The following INSC variants were observed in gnomAD, a reference collection of about 807,000 sequenced individuals.
INSC encodes protein inscuteable homolog.
A neutral mutation model predicts 58.6 loss-of-function variants in INSC; 67 were observed. That is an observed-to-expected ratio of 1.14 (90% CI 0.94 to 1.40). The LOEUF is 1.40. Ranked by LOEUF, INSC falls within the 40% of genes most tolerant of loss-of-function variation. INSC has a pLI of 0.00. For synonymous variants in INSC, 262 were observed against 276.1 expected (o/e 0.95, Z 0.51); for missense variants, 714 against 692.0 (o/e 1.03, Z -0.36).
chr11:15,257,436 A>T, the INSC span, among the ~76,000 whole-genome samples: 1 of 152,218 alleles, frequency 6.6e-6, no homozygotes, highest in Non-Finnish European at 1.5e-5. Context: ...AAAGTTGAAT[A>T]TATAAAAGAT....
At chr11:15,132,354 C>T (rs921227412) in intron 1 of INSC, among the ~76,000 whole-genome samples, 1 of 152,154 alleles carries the variant, frequency 6.6e-6, no homozygotes, top group Non-Finnish European at 1.5e-5. Flanking sequence ...GGGGCAATCA[C>T]AGCTCACTGC....
intron 7 of INSC, among the ~76,000 whole-genome samples, chr11:15,218,575 T>A (rs948196977): frequency 6.6e-6 from 1 of 152,154 alleles, no homozygotes; most frequent in African/African-American, 2.4e-5. Context: ...TATATATATA[T>A]GTACATATAT....
At position 15,175,989 on chromosome 11, in the gene INSC, G is replaced by A. The variant is rs768043859; in HGVS notation, c.305G>A (p.Arg102Gln). The A allele has an allele frequency of 8.1e-6, 13 of 1,610,606 alleles. No individual in the cohort carries two copies. The highest frequency in any genetic ancestry group is 1.1e-5 in the South Asian group (1 of 90,528). Residue 102 changes from arginine (R) to glutamine (Q), a missense_variant, in exon 3 of 13, where the codon CGG becomes CAG. Transcript: ENST00000379556. ...AAGCTGGCCCAGGACCGCTGGGCAC[G>A]GGTGCACAGCATGAGCGTGCGTCTG... is the stretch of plus-strand genomic sequence containing the variant. ...GQKLAQDRWA[R>Q]VHSMSVRLTC...
intron 1 of INSC, among the ~76,000 whole-genome samples, chr11:15,125,644 CT>C (rs1278107846): frequency 2.0e-5 from 3 of 152,222 alleles, no homozygotes; most frequent in Non-Finnish European, 4.4e-5. Context: ...GTTCGACCCA[CT>C]TCCATGATCT....
intron 9 of INSC, among the ~76,000 whole-genome samples, chr11:15,230,416 C>A (rs1237290771): frequency 2.0e-5 from 3 of 151,904 alleles, no homozygotes; most frequent in Non-Finnish European, 4.4e-5. Flanking sequence ...GGTGCTTCAC[C>A]CTTTTCAACA....
chr11:15,149,645 T>C (rs1848587881), intron 2 of INSC, among the ~76,000 whole-genome samples: 2 of 151,974 alleles, frequency 1.3e-5, no homozygotes, highest in Non-Finnish European at 1.5e-5. Context: ...TTGTCCTGAG[T>C]TGGGCAATGA....
At chr11:15,222,813 T>C (rs879279548) in intron 8 of INSC, among the ~76,000 whole-genome samples, 2 of 152,218 alleles carry the variant, frequency 1.3e-5, no homozygotes, top group Non-Finnish European at 2.9e-5. Flanking sequence ...AATTTGCCAA[T>C]GTCCACATTT....
Position 15,246,025 on chromosome 11 carries a change from G to A in INSC, c.1584G>A (p.Glu528=). 3.7e-6 allele frequency: 6 copies of A among 1,614,182 alleles called. No individual in the cohort carries two copies. Among genetic ancestry groups the A allele is most frequent in the East Asian group, 2.2e-5 (1 of 44,880 alleles). ...CCTTCTTACTCTGCAGCAACATGGA[G>A]GAGAGTTTTGTGTAGTGAGTGTGGG... ...VDSFLLCSNM[E]ESFV The change falls in exon 13 of 13, where the codon GAG becomes GAA. Residue 528 remains glutamate, a synonymous_variant. Transcript: ENST00000379556.
chr11:15,255,482 A>T, the INSC span, among the ~76,000 whole-genome samples: 2 of 152,212 alleles, frequency 1.3e-5, no homozygotes, highest in African/African-American at 2.4e-5. Flanking sequence ...AGCATCAAAG[A>T]CAAATCAAAG....
At chr11:15,146,973 C>T (rs1004436011) in intron 1 of INSC, among the ~76,000 whole-genome samples, 1 of 152,052 alleles carries the variant, frequency 6.6e-6, no homozygotes, top group Admixed American at 6.6e-5. Context: ...TTCAAATGGC[C>T]CTGGAATTTT....
In INSC at chr11:15,203,606, A is replaced by G. The variant is rs986880667; in HGVS notation, c.819+2657A>G. On this transcript the variant is annotated intron_variant, in intron 7 of 12. Transcript: ENST00000379556. Reference sequence around the variant, plus strand: ...GAGAGGTGAAATGACTTCTTGCATGAAATCATACATTATGTAATTCATTCA... The same window carrying G: ...GAGAGGTGAAATGACTTCTTGCATGGAATCATACATTATGTAATTCATTCA... Among the ~76,000 whole-genome samples, 72 of 152,356 alleles carry G rather than the reference A, an allele frequency of 4.7e-4. 1 individual carries two copies. The highest frequency in any genetic ancestry group is 1.7e-3 in the African/African-American group (72 of 41,586).
chr11:15,186,725 T>C (rs951359173), intron 5 of INSC, among the ~76,000 whole-genome samples: 2 of 152,202 alleles, frequency 1.3e-5, no homozygotes, highest in Non-Finnish European at 2.9e-5. Flanking sequence ...CATGCATTTT[T>C]CCAGCATATT....
At chr11:15,132,724 C>G (rs927779686) in intron 1 of INSC, among the ~76,000 whole-genome samples, 1 of 152,130 alleles carries the variant, frequency 6.6e-6, no homozygotes, top group African/African-American at 2.4e-5. Flanking sequence ...TTCAGAATTT[C>G]CTTTAGTGTG....
chr11:15,129,195 G>T (rs1009653775), intron 1 of INSC, among the ~76,000 whole-genome samples: 2 of 152,114 alleles, frequency 1.3e-5, no homozygotes, highest in Non-Finnish European at 2.9e-5. Flanking sequence ...GCTCTGAATA[G>T]GTTGCCCCCC....
intron 10 of INSC, 22 bp downstream of exon 10, chr11:15,235,690 C>T (rs1564921128): frequency 1.3e-6 from 2 of 1,590,778 alleles, no homozygotes; most frequent in African/African-American, 2.7e-5. Flanking sequence ...CAGCATTGTA[C>T]ATGTTATGTG....
At chr11:15,260,852 T>C in the INSC span, among the ~76,000 whole-genome samples, 2 of 152,152 alleles carry the variant, frequency 1.3e-5, no homozygotes, top group South Asian at 2.1e-4. Flanking sequence ...GCACCTCTTA[T>C]GGTTTACTAT....
chr11:15,260,322 C>G, the INSC span, among the ~76,000 whole-genome samples: 3 of 152,194 alleles, frequency 2.0e-5, no homozygotes, highest in African/African-American at 7.2e-5. Context: ...CAGTAGAATG[C>G]AGTTGAGAAG....
At chr11:15,269,356 T>C in the INSC span, among the ~76,000 whole-genome samples, 1 of 152,014 alleles carries the variant, frequency 6.6e-6, no homozygotes, top group African/African-American at 2.4e-5. Flanking sequence ...TGAGATACTA[T>C]TGCCTCTTTT....
In INSC at chr11:15,221,587, C is replaced by T. The variant is rs779873980; in HGVS notation, c.930C>T (p.Pro310=). The part of the protein sequence containing the change: ...VVAQVTSPHL[P]VTQHLSSFLE... Reference sequence around the variant, plus strand: ...CCCAGGTCACCTCCCCACACCTGCCCGTCACCCAGCACCTCAGTAGCTTCC... The same window carrying T: ...CCCAGGTCACCTCCCCACACCTGCCTGTCACCCAGCACCTCAGTAGCTTCC... The change falls in exon 8 of 13, where the codon CCC becomes CCT. Residue 310 remains proline, a synonymous_variant. Coordinates refer to ENST00000379556, the MANE Select transcript of INSC (RefSeq NM_001042536.3). The T allele has an allele frequency of 1.9e-5, 30 of 1,613,772 alleles. No individual in the cohort carries two copies. The highest frequency in any genetic ancestry group is 6.7e-5 in the African/African-American group (5 of 74,876).
Sources: gnomAD v4.1 joint callset for allele counts (sites outside exome capture counted in the v4.1 genomes callset) on GRCh38, gnomAD v4.1.1 for gene constraint, MANE v1.5 for transcripts, NCBI Gene and HGNC (gene_info 2026-07-23, HGNC 2026-07-21) for gene names.